ZNF462: variants seen among roughly 807,000 people sequenced by gnomAD.
ZNF462 encodes zinc finger protein 462.
ZNF462 carries 10 observed loss-of-function variants against 201.9 expected under a neutral mutation model. The observed-to-expected ratio is 0.05, with a 90% CI of 0.03 to 0.08. The LOEUF is 0.08. ZNF462 is among the 10% of genes least tolerant of loss of function. The probability of loss-of-function intolerance (pLI) is 1.00; values close to 1 mark genes in which losing one functional copy is unlikely to be tolerated. For synonymous variants in ZNF462, 1,227 were observed against 1,193.3 expected (o/e 1.03, Z -0.58); for missense variants, 2,523 against 3,168.3 (o/e 0.80, Z 4.89).
rs886920850 is a variant in ZNF462 at position 106,950,182 on chromosome 9, A to G, written c.6427+11075A>G. On this transcript the variant is annotated intron_variant, in intron 7 of 12. Coordinates refer to ENST00000277225, the MANE Select transcript of ZNF462 (RefSeq NM_021224.6). This position sits in a 1 kb window ranked among gnomAD's most constrained non-coding sequence, Gnocchi z 4.1. ...CATCTTTTCCAATCTGTTTTCCAGG[A>G]TATCTTTGTTAATCACAAATCAAAT... Among the ~76,000 whole-genome samples, 1 of 152,156 alleles carries G rather than the reference A, an allele frequency of 6.6e-6. No individual in the cohort carries two copies. The highest frequency in any genetic ancestry group is 1.5e-5 in the Non-Finnish European group (1 of 68,030).
In ZNF462 at chr9:106,981,022, C is replaced by T. The variant is rs1476087554; in HGVS notation, c.6833-3164C>T. On this transcript the variant is annotated intron_variant, in intron 9 of 12. Transcript: ENST00000277225. This position sits in a 1 kb window ranked among gnomAD's most constrained non-coding sequence, Gnocchi z 4.0. ...TCAGAAAACACTGTCAGTCATTTGC[C>T]CACCTTTTAAAGTCTGTCTTTTTTT... 2.6e-5 allele frequency among the ~76,000 whole-genome samples: 4 copies of T among 152,160 alleles called. No individual in the cohort carries two copies. The highest frequency in any genetic ancestry group is 9.7e-5 in the African/African-American group (4 of 41,432).
chr9:106,913,337 G>A lies in ZNF462; in HGVS notation c.-30-10017G>A, dbSNP rs1829629913. On this transcript the variant is annotated intron_variant, in intron 1 of 12. Coordinates refer to ENST00000277225, the MANE Select transcript of ZNF462 (RefSeq NM_021224.6). This position sits in a 1 kb window ranked among gnomAD's most constrained non-coding sequence, Gnocchi z 4.1. Reference sequence around the variant, plus strand: ...CCTTAGGTTCTTGAACGTTTAGTTCGATTTTGTACCACTGGTTAATTTTCT... The same window carrying A: ...CCTTAGGTTCTTGAACGTTTAGTTCAATTTTGTACCACTGGTTAATTTTCT... 6.6e-6 allele frequency among the ~76,000 whole-genome samples: 1 copy of A among 152,112 alleles called. No individual in the cohort carries two copies. The highest frequency in any genetic ancestry group is 2.1e-4 in the South Asian group (1 of 4,824).
chr9:106,897,676 A>T (rs1394072774), intron 1 of ZNF462, among the ~76,000 whole-genome samples: 1 of 152,214 alleles, frequency 6.6e-6, no homozygotes, highest in Non-Finnish European at 1.5e-5. Context: ...TAAGGAGCAC[A>T]GTAATATAAT....
chr9:107,007,838 G>T (rs1829666775), intron 11 of ZNF462, among the ~76,000 whole-genome samples: 1 of 152,158 alleles, frequency 6.6e-6, no homozygotes. Context: ...ATGGAACTTA[G>T]TATGTGCCAT....
intron 1 of ZNF462, among the ~76,000 whole-genome samples, chr9:106,910,925 G>T (rs1339865004): frequency 1.3e-5 from 2 of 152,142 alleles, no homozygotes; most frequent in Admixed American, 1.3e-4. Context: ...AAGCTTGGAG[G>T]TATTTTCTAA....
chr9:106,971,195 A>AT (rs921650738), intron 7 of ZNF462, among the ~76,000 whole-genome samples: 150 of 150,444 alleles, frequency 1.0e-3, no homozygotes, highest in Middle Eastern at 3.4e-3. Flanking sequence ...TTAAAGACTG[A>AT]TTTTTTTTTT....
chr9:106,909,313 C>T (rs1364518420), intron 1 of ZNF462, among the ~76,000 whole-genome samples: 1 of 151,438 alleles, frequency 6.6e-6, no homozygotes, highest in Non-Finnish European at 1.5e-5. Flanking sequence ...GTTTTTTTTC[C>T]AATTCTACAT....
At chr9:106,864,019 C>T (rs1827176224) in intron 1 of ZNF462, among the ~76,000 whole-genome samples, 1 of 148,392 alleles carries the variant, frequency 6.7e-6, no homozygotes, top group African/African-American at 2.5e-5. Flanking sequence ...TTGGCAGCCC[C>T]CCTCTTCCTC....
rs1428214352 is a variant in ZNF462, at chr9:106,956,838, AC to A, written c.6428-15165del. Among the ~76,000 whole-genome samples, 8 of 152,212 alleles carry A rather than the reference AC, an allele frequency of 5.3e-5. No homozygotes were observed. The East Asian group carries it at 1.5e-3, about 29-fold the overall frequency. On this transcript the variant is annotated intron_variant, in intron 7 of 12. Transcript: ENST00000277225. ...CAGACATTTCTTCTCCAGCTCTGTC[AC>A]CTCTCTTAGCCTTCATAGAATTGAA...
chr9:106,924,929 G>C lies in ZNF462; in HGVS notation c.1017G>C (p.Ser339=). Residue 339 remains serine (S), a synonymous_variant, in exon 3 of 13, where the codon TCG becomes TCC. Transcript: ENST00000277225. The surrounding 1 kb of genome is among the most constrained non-coding windows in gnomAD (Gnocchi z 6.2). ...MRPNSSASKF[S]PMSYPQMKPK... is the part of the protein sequence containing the mutation. The stretch of plus-strand genomic sequence containing the variant: ...CCAATTCTTCAGCTTCCAAGTTTTC[G>C]CCCATGTCTTACCCTCAGATGAAGC... The C allele has an allele frequency of 6.2e-7, 1 of 1,614,062 alleles. No individual in the cohort carries two copies. The highest frequency in any genetic ancestry group is 8.5e-7 in the Non-Finnish European group (1 of 1,180,018).
chr9:106,965,506 A>G (rs969582292), intron 7 of ZNF462, among the ~76,000 whole-genome samples: 2 of 152,018 alleles, frequency 1.3e-5, no homozygotes, highest in African/African-American at 4.8e-5. Flanking sequence ...GAATGGAGGC[A>G]GGTCATGAGG....
rs566808513 is a variant in ZNF462, at chr9:106,941,842, C to T, written c.6427+2735C>T. Among the ~76,000 whole-genome samples, 115 of 152,330 alleles carry T rather than the reference C, an allele frequency of 7.5e-4. 2 individuals are homozygous for T. Among genetic ancestry groups the T allele is most frequent in the African/African-American group, 2.6e-3 (108 of 41,592 alleles). On this transcript the variant is annotated intron_variant, in intron 7 of 12. Transcript: ENST00000277225. ...GCTGGGCAGGCCCAAAGTGGGAAGA[C>T]TTTGCTAAGGAGCCGGATGGTGGAT... is the stretch of plus-strand genomic sequence containing the variant.
Position 106,883,161 on chromosome 9 carries a change from C to G in ZNF462, c.-31+19806C>G, listed in dbSNP as rs1037835516. Among the ~76,000 whole-genome samples the G allele has an allele frequency of 6.6e-6, 1 of 152,196 alleles. No individual in the cohort carries two copies. Among genetic ancestry groups the G allele is most frequent in the Non-Finnish European group, 1.5e-5 (1 of 68,048 alleles). On this transcript the variant is annotated intron_variant, in intron 1 of 12. Transcript: ENST00000277225. The surrounding 1 kb of genome is among the most constrained non-coding windows in gnomAD (Gnocchi z 4.9). Reference sequence around the variant, plus strand: ...ACCCATGGGTCCTGTTAGTCCCAACCTCACTGAAGGACATATTCTGAAGAG... The same window carrying G: ...ACCCATGGGTCCTGTTAGTCCCAACGTCACTGAAGGACATATTCTGAAGAG...
chr9:106,951,833 A>G (rs1029745315), intron 7 of ZNF462, among the ~76,000 whole-genome samples: 5 of 151,340 alleles, frequency 3.3e-5, no homozygotes, highest in Non-Finnish European at 7.4e-5. Flanking sequence ...CCTCTTCTCC[A>G]AGTCATAACA....
intron 1 of ZNF462, among the ~76,000 whole-genome samples, chr9:106,875,644 G>A (rs186198657): frequency 2.6e-5 from 4 of 152,210 alleles, no homozygotes; most frequent in Non-Finnish European, 4.4e-5. Context: ...TACTAGGGAC[G>A]TTGTTTACTG....
At position 106,972,190 on chromosome 9, in the gene ZNF462, A is replaced by C; in HGVS notation, c.6613A>C (p.Ser2205Arg). The C allele has an allele frequency of 6.2e-7, 1 of 1,614,224 alleles. No homozygotes were observed. Among genetic ancestry groups the C allele is most frequent in the Non-Finnish European group, 8.5e-7 (1 of 1,180,042 alleles). ...TGAATTCTCCTCCGGCTACATCCAG[A>C]GCATCAGGCGTCATTACCGGGACAA... Reference protein sequence around the residue: ...FCEFSSGYIQSIRRHYRDKHG... With the variant: ...FCEFSSGYIQRIRRHYRDKHG... The change falls in exon 8 of 13, where the codon AGC (serine) becomes CGC (arginine). Residue 2205 changes from serine (S) to arginine (R), a missense_variant. Around this residue, in one of 15 missense-constraint regions of ZNF462, gnomAD observed 228 missense variants for 361.2 expected, o/e 0.63. Coordinates refer to ENST00000277225, the MANE Select transcript of ZNF462 (RefSeq NM_021224.6). The surrounding 1 kb of genome is among the most constrained non-coding windows in gnomAD (Gnocchi z 4.8).
In ZNF462 at chr9:106,924,056, T is replaced by A; in HGVS notation, c.221-77T>A. Reference sequence around the variant, plus strand: ...GTGATGTTTAGTAATGAAGAATAATTGGAATGGTACTGATTTGCATGATTG... The same window carrying A: ...GTGATGTTTAGTAATGAAGAATAATAGGAATGGTACTGATTTGCATGATTG... On this transcript the variant is annotated intron_variant, in intron 2 of 12. Coordinates refer to ENST00000277225, the MANE Select transcript of ZNF462 (RefSeq NM_021224.6). This position sits in a 1 kb window ranked among gnomAD's most constrained non-coding sequence, Gnocchi z 6.2. 1 of 1,236,744 alleles carries A rather than the reference T, an allele frequency of 8.1e-7. No homozygotes were observed. The highest frequency in any genetic ancestry group is 1.1e-6 in the Non-Finnish European group (1 of 892,604). 76.6% of individuals were successfully genotyped at this position (1,236,744 alleles called of 1,614,324 possible). A position where few individuals can be genotyped will look rare whatever the true frequency, so the allele number is the denominator to read the frequency against.
chr9:107,009,447 C>A lies in ZNF462; in HGVS notation c.7190-98C>A. The A allele has an allele frequency of 1.3e-6, 2 of 1,498,316 alleles. No individual in the cohort carries two copies. The highest frequency in any genetic ancestry group is 1.8e-6 in the Non-Finnish European group (2 of 1,101,402). 92.8% of individuals were successfully genotyped at this position (1,498,316 alleles called of 1,614,324 possible). On this transcript the variant is annotated intron_variant, in intron 11 of 12. Coordinates refer to ENST00000277225, the MANE Select transcript of ZNF462 (RefSeq NM_021224.6). This position sits in a 1 kb window ranked among gnomAD's most constrained non-coding sequence, Gnocchi z 6.1. ...AATTGCTTTCACCACATGGCTTTAT[C>A]AGTGAAGGTAGGAGAGAGGGTATCC...
At chr9:106,991,246 T>A (rs975718634) in intron 10 of ZNF462, among the ~76,000 whole-genome samples, 2 of 152,042 alleles carry the variant, frequency 1.3e-5, no homozygotes, top group East Asian at 3.9e-4. Context: ...AAATCAGTTA[T>A]GTTTCTGTAT....
Sources: allele counts gnomAD v4.1 joint callset (sites outside exome capture counted in the v4.1 genomes callset), GRCh38; gene constraint gnomAD v4.1.1; regional missense constraint gnomAD v4.1.1; non-coding constraint Gnocchi (gnomAD v3.1); transcripts MANE v1.5; gene names NCBI Gene and HGNC (gene_info 2026-07-23, HGNC 2026-07-21).